NR3C2: variants seen among roughly 807,000 people sequenced by gnomAD.
NR3C2 encodes nuclear receptor subfamily 3 group C member 2, also known as mineralocorticoid receptor.
A neutral mutation model predicts 86.4 loss-of-function variants in NR3C2; 15 were observed. That is an observed-to-expected ratio of 0.17 (90% CI 0.12 to 0.27). NR3C2 has a LOEUF of 0.27. NR3C2 is among the 10% of genes least tolerant of loss of function. The pLI is 1.00. For missense variants in NR3C2, 960 were observed against 1,195.6 expected (o/e 0.80, Z 2.91); for synonymous variants, 458 against 450.5 (o/e 1.02, Z -0.21).
At chr4:148,230,428 C>T (rs1239231349) in intron 3 of NR3C2, among the ~76,000 whole-genome samples, 2 of 152,160 alleles carry the variant, frequency 1.3e-5, no homozygotes, top group Non-Finnish European at 2.9e-5. Context: ...AACTCCTGGC[C>T]TCAAGTCGTC....
Position 148,435,238 on chromosome 4 carries a change from G to C in NR3C2, c.1623C>G (p.Asp541Glu). The C allele has an allele frequency of 1.2e-6, 2 of 1,614,152 alleles. No individual in the cohort carries two copies. Among genetic ancestry groups the C allele is most frequent in the East Asian group, 2.2e-5 (1 of 44,878 alleles). ...AGGAACTCAGGTGTTGGAAAGATTG[G>C]TCTCTAGCCGATCGTGATAAAGATA... ...GTISLSRSAR[D>E]QSFQHLSSFP... The change falls in exon 2 of 9, where the codon GAC becomes GAG. Residue 541 changes from aspartate (D) to glutamate (E), a missense_variant. Transcript: ENST00000358102.
chr4:148,125,327 T>C (rs1039529458), intron 6 of NR3C2, among the ~76,000 whole-genome samples: 1 of 152,238 alleles, frequency 6.6e-6, no homozygotes, highest in African/African-American at 2.4e-5. Flanking sequence ...TTGTCCTTGT[T>C]AGTAGACAGC....
At chr4:148,388,631 TATA>T in intron 2 of NR3C2, among the ~76,000 whole-genome samples, 1 of 152,360 alleles carries the variant, frequency 6.6e-6, no homozygotes, top group African/African-American at 2.4e-5. Context: ...AATGCTTAGA[TATA>T]ATAAGTTGGG....
intron 3 of NR3C2, chr4:148,207,857 T>C (rs1198915859): frequency 6.6e-6 from 1 of 152,224 alleles, no homozygotes; most frequent in East Asian, 1.9e-4. Flanking sequence ...CATTTAATGA[T>C]AAATTAGGCA....
chr4:148,430,960 C>A (rs566250694), intron 2 of NR3C2, among the ~76,000 whole-genome samples: 1 of 152,166 alleles, frequency 6.6e-6, no homozygotes, highest in African/African-American at 2.4e-5. Flanking sequence ...GTTCTTGTAA[C>A]CTACCAGAAT....
At chr4:148,084,923 G>T (rs1025523291) in intron 8 of NR3C2, among the ~76,000 whole-genome samples, 3 of 152,058 alleles carry the variant, frequency 2.0e-5, no homozygotes, top group Non-Finnish European at 4.4e-5. Flanking sequence ...TTACATAATG[G>T]TAAAGGGATC....
In NR3C2 at chr4:148,114,205, T is replaced by G; in HGVS notation, c.2698A>C (p.Ile900Leu). ...GTTACCATCTTCCTCAGTTCTTTGA[T>G]GTAATTTGTCCTCATTTCTTCAAAT... ...AAFEEMRTNY[I>L]KELRKMVTKC... The change falls in exon 8 of 9, where the codon ATC becomes CTC. Residue 900 changes from isoleucine to leucine, a missense_variant. Transcript: ENST00000358102. The G allele has an allele frequency of 1.2e-6, 2 of 1,614,004 alleles. No individual in the cohort carries two copies. Among genetic ancestry groups the G allele is most frequent in the Non-Finnish European group, 1.7e-6 (2 of 1,179,956 alleles).
chr4:148,096,476 A>G (rs924514032), intron 8 of NR3C2, among the ~76,000 whole-genome samples: 1 of 152,136 alleles, frequency 6.6e-6, no homozygotes, highest in Non-Finnish European at 1.5e-5. Flanking sequence ...AAGGAACACC[A>G]AGCAATAAGG....
chr4:148,228,061 G>A (rs1208906702), intron 3 of NR3C2, among the ~76,000 whole-genome samples: 1 of 152,084 alleles, frequency 6.6e-6, no homozygotes, highest in Non-Finnish European at 1.5e-5. Context: ...ATGTAGATAT[G>A]TTCACATAAA....
chr4:148,372,788 T>C (rs1746483550), intron 2 of NR3C2, among the ~76,000 whole-genome samples: 1 of 152,202 alleles, frequency 6.6e-6, no homozygotes, highest in Non-Finnish European at 1.5e-5. Flanking sequence ...TAACCAAGAT[T>C]AAATATGCTA....
chr4:148,271,286 A>G (rs1252362747), intron 2 of NR3C2, among the ~76,000 whole-genome samples: 7 of 152,182 alleles, frequency 4.6e-5, no homozygotes, highest in African/African-American at 1.7e-4. Context: ...TCCTTTAAAA[A>G]TGATTTTAAT....
chr4:148,356,336 G>A (rs1350754005), intron 2 of NR3C2, among the ~76,000 whole-genome samples: 2 of 152,188 alleles, frequency 1.3e-5, no homozygotes, highest in Non-Finnish European at 2.9e-5. Context: ...ATCACATTCT[G>A]CGTGTGCCTC....
In NR3C2 at chr4:148,234,848, C is replaced by T. The variant is rs187333785; in HGVS notation, c.1897+25130G>A. Among the ~76,000 whole-genome samples the T allele has an allele frequency of 2.6e-3, 390 of 152,176 alleles. 1 individual carries two copies. The highest frequency in any genetic ancestry group is 4.7e-3 in the Non-Finnish European group (322 of 67,998). On this transcript the variant is annotated intron_variant, in intron 3 of 8. Transcript: ENST00000358102. ...AACTTTTATTTCAGGTTCAGGGGTA[C>T]ATATGCAGGTTTGCTATACAGGTAA...
At chr4:148,342,500 C>T (rs1444013307) in intron 2 of NR3C2, among the ~76,000 whole-genome samples, 1 of 152,070 alleles carries the variant, frequency 6.6e-6, no homozygotes, top group African/African-American at 2.4e-5. Context: ...TCAAGTGGCA[C>T]AAAGTGAAAC....
intron 4 of NR3C2, among the ~76,000 whole-genome samples, chr4:148,165,982 C>T (rs371092627): frequency 2.0e-5 from 3 of 151,956 alleles, no homozygotes; most frequent in African/African-American, 4.8e-5. Context: ...TAAATAGGCC[C>T]GAGGAAAGAG....
intron 7 of NR3C2, 149 bp downstream of exon 7, chr4:148,120,009 G>A (rs890846892): frequency 9.2e-7 from 1 of 1,091,098 alleles, no homozygotes; most frequent in East Asian, 2.4e-5. Flanking sequence ...TTCATCAAAG[G>A]TCAAAGCCTT....
intron 2 of NR3C2, among the ~76,000 whole-genome samples, chr4:148,276,002 C>A (rs748826613): frequency 1.3e-5 from 2 of 152,006 alleles, no homozygotes; most frequent in Non-Finnish European, 2.9e-5. Context: ...TTACAAAATT[C>A]CATAGTACTA....
intron 6 of NR3C2, among the ~76,000 whole-genome samples, chr4:148,136,071 A>AAAAC (rs1733310591): frequency 2.2e-5 from 1 of 44,556 alleles, no homozygotes; most frequent in South Asian, 6.4e-4. Flanking sequence ...AAAAAAAAAA[A>AAAAC]AAAAACAAAA....
intron 2 of NR3C2, among the ~76,000 whole-genome samples, chr4:148,348,562 A>G (rs1006681015): frequency 6.6e-6 from 1 of 152,124 alleles, no homozygotes; most frequent in African/African-American, 2.4e-5. Context: ...GCCTTTTTGT[A>G]TAGCATGAGA....
Sources: allele counts gnomAD v4.1 joint callset (sites outside exome capture counted in the v4.1 genomes callset), GRCh38; gene constraint gnomAD v4.1.1; transcripts MANE v1.5; gene names NCBI Gene and HGNC (gene_info 2026-07-23, HGNC 2026-07-21).